The following MECOM variants were observed in gnomAD, a reference collection of about 807,000 sequenced individuals.
MECOM encodes the protein MDS1 and EVI1 complex locus, also known as histone-lysine N-methyltransferase MECOM.
In MECOM, 13 loss-of-function variants were observed where a neutral mutation model predicts 116.3. The ratio of observed to expected loss-of-function variants is 0.11; its 90% CI spans 0.07 to 0.18. The LOEUF is 0.18. Ranked by LOEUF, MECOM falls within the 10% of genes least tolerant of loss-of-function variation. MECOM has a pLI of 1.00. For missense variants in MECOM, 1,299 were observed against 1,509.0 expected (o/e 0.86, Z 2.31); for synonymous variants, 528 against 535.2 (o/e 0.99, Z 0.19).
chr3:169,654,914 A>G (rs915371209), intron 1 of MECOM, among the ~76,000 whole-genome samples: 1 of 152,138 alleles, frequency 6.6e-6, no homozygotes, highest in Non-Finnish European at 1.5e-5. Flanking sequence ...CATTCTGGAT[A>G]TCACCATAAA....
intron 1 of MECOM, among the ~76,000 whole-genome samples, chr3:169,594,154 C>CAAAAAAAAAAAAAAAAAAAAAAAAAA (rs34331048): frequency 2.2e-5 from 1 of 45,730 alleles, no homozygotes; most frequent in African/African-American, 1.2e-4. Context: ...ACCACCACCA[C>CAAAAAAAAAAAAAAAAAAAAAAAAAA]AAAAAAAAAA....
chr3:169,368,489 T>C (rs774503552), intron 2 of MECOM, among the ~76,000 whole-genome samples: 6 of 152,024 alleles, frequency 3.9e-5, no homozygotes, highest in Admixed American at 6.6e-5. Context: ...TCCCCATTTT[T>C]TCATGCTACC....
At chr3:169,475,186 G>A (rs1750150415) in intron 1 of MECOM, among the ~76,000 whole-genome samples, 1 of 152,058 alleles carries the variant, frequency 6.6e-6, no homozygotes, top group African/African-American at 2.4e-5. Flanking sequence ...AATTCTATAG[G>A]GGAAAAAAGA....
chr3:169,394,405 G>A (rs1347915734), intron 1 of MECOM, among the ~76,000 whole-genome samples: 1 of 152,180 alleles, frequency 6.6e-6, no homozygotes, highest in Admixed American at 6.5e-5. Context: ...TGACCTCAAT[G>A]ATCAACTCTA....
chr3:169,485,982 A>G (rs1560340985), intron 1 of MECOM, among the ~76,000 whole-genome samples: 29 of 115,108 alleles, frequency 2.5e-4, no homozygotes, highest in African/African-American at 9.9e-4. Context: ...ACATATATAT[A>G]TAGTATATAT....
chr3:169,544,664 T>C (rs1760495907), intron 1 of MECOM, among the ~76,000 whole-genome samples: 1 of 152,076 alleles, frequency 6.6e-6, no homozygotes, highest in Non-Finnish European at 1.5e-5. Flanking sequence ...AGGTGGTGCA[T>C]ATACACCATG....
chr3:169,656,646 A>G (rs1174046393), intron 1 of MECOM, among the ~76,000 whole-genome samples: 3 of 152,212 alleles, frequency 2.0e-5, no homozygotes, highest in Admixed American at 2.0e-4. Flanking sequence ...AATCTATTTT[A>G]GGGTTTGCAT....
intron 2 of MECOM, among the ~76,000 whole-genome samples, chr3:169,299,361 CT>C (rs1158337970): frequency 6.6e-6 from 1 of 152,184 alleles, no homozygotes; most frequent in Non-Finnish European, 1.5e-5. Flanking sequence ...CAAGATTTTC[CT>C]TCCCGCCCAG....
chr3:169,633,902 C>G (rs1772394196), intron 1 of MECOM, among the ~76,000 whole-genome samples: 1 of 137,138 alleles, frequency 7.3e-6, no homozygotes, highest in Non-Finnish European at 1.6e-5. Context: ...GTGACCCTGG[C>G]AAAAAAAAAA....
chr3:169,351,716 C>T (rs2149807314), intron 2 of MECOM, among the ~76,000 whole-genome samples: 1 of 151,966 alleles, frequency 6.6e-6, no homozygotes, highest in South Asian at 2.1e-4. Context: ...GAACCTGACG[C>T]CTTGTCAGCC....
At chr3:169,240,806 G>A (rs1754698715) in intron 2 of MECOM, among the ~76,000 whole-genome samples, 1 of 152,172 alleles carries the variant, frequency 6.6e-6, no homozygotes. Flanking sequence ...GATTTTATTA[G>A]ACAGATTTAA....
chr3:169,485,243 C>T (rs964117528), intron 1 of MECOM, among the ~76,000 whole-genome samples: 1 of 152,112 alleles, frequency 6.6e-6, no homozygotes, highest in Non-Finnish European at 1.5e-5. Context: ...GATCTAACCG[C>T]CTCGGCCTCC....
At chr3:169,338,078 T>C (rs1304635423) in intron 2 of MECOM, among the ~76,000 whole-genome samples, 2 of 152,206 alleles carry the variant, frequency 1.3e-5, no homozygotes, top group Non-Finnish European at 2.9e-5. Context: ...GGTTGCGATA[T>C]AATCAGAGGG....
At chr3:169,580,161 T>C (rs577772022) in intron 1 of MECOM, among the ~76,000 whole-genome samples, 2 of 152,338 alleles carry the variant, frequency 1.3e-5, no homozygotes, top group Admixed American at 1.3e-4. Flanking sequence ...AGTGCAGAAA[T>C]TGACGAATGG....
Position 169,473,925 on chromosome 3 carries a change from T to C in MECOM, c.38-92401A>G, listed in dbSNP as rs145580607. Among the ~76,000 whole-genome samples, 139 of 152,290 alleles carry C rather than the reference T, an allele frequency of 9.1e-4. 1 individual carries two copies. The East Asian group carries it at 0.012, about 13-fold the overall frequency. On this transcript the variant is annotated intron_variant, in intron 1 of 16. Transcript: ENST00000651503. The stretch of plus-strand genomic sequence containing the variant: ...ATAGATAGATAGATAGATAGATAAT[T>C]GAATCTATAGACAGGTTCTCAGAGA...
intron 1 of MECOM, among the ~76,000 whole-genome samples, chr3:169,599,774 CACA>C (rs1767605689): frequency 6.6e-6 from 1 of 152,046 alleles, no homozygotes; most frequent in Non-Finnish European, 1.5e-5. Context: ...CACTCAACAC[CACA>C]ACATGATAAA....
chr3:169,582,749 A>T (rs959803777), intron 1 of MECOM, among the ~76,000 whole-genome samples: 2 of 152,222 alleles, frequency 1.3e-5, no homozygotes, highest in Non-Finnish European at 2.9e-5. Flanking sequence ...ATTACATTTG[A>T]CCAGCTGCGT....
rs569820654 is a variant in MECOM at position 169,441,824 on chromosome 3, G to A, written c.38-60300C>T. ...CAGTGCACTGCAACCTCCACCTCTC[G>A]GGATCAAGTGATTCTCCTGCCCCAG... On this transcript the variant is annotated intron_variant, in intron 1 of 16. Coordinates refer to ENST00000651503, the MANE Select transcript of MECOM (RefSeq NM_004991.4). Among the ~76,000 whole-genome samples, 13 of 150,858 alleles carry A rather than the reference G, an allele frequency of 8.6e-5. No homozygotes were observed. The South Asian group carries it at 1.1e-3, about 12-fold the overall frequency.
chr3:169,355,411 C>G (rs879264427), intron 2 of MECOM, among the ~76,000 whole-genome samples: 80 of 151,824 alleles, frequency 5.3e-4, no homozygotes, highest in Admixed American at 2.6e-4. Context: ...AATGTATAAA[C>G]AGAGGTTAAT....
Sources: allele counts gnomAD v4.1 joint callset (sites outside exome capture counted in the v4.1 genomes callset), GRCh38; gene constraint gnomAD v4.1.1; transcripts MANE v1.5; gene names NCBI Gene and HGNC (gene_info 2026-07-23, HGNC 2026-07-21).